The following TRAPPC9 variants were observed in gnomAD, a reference collection of about 807,000 sequenced individuals.
The protein encoded by TRAPPC9 is IKK2 binding protein.
A neutral mutation model predicts 124.0 loss-of-function variants in TRAPPC9; 83 were observed. The observed-to-expected ratio is 0.67, with a 90% confidence interval of 0.56 to 0.80. The LOEUF is 0.80. Among genes scored for constraint, TRAPPC9 ranks in the 30% least tolerant of loss-of-function variants. The pLI, the probability that TRAPPC9 is intolerant of heterozygous loss-of-function variation, is 0.00. For missense variants in TRAPPC9, 1,302 were observed against 1,508.3 expected, an observed-to-expected ratio of 0.86 and a Z score of 2.27; for synonymous variants, 638 against 617.5, an observed-to-expected ratio of 1.03 and a Z score of -0.49.
chr8:140,023,518 T>C (rs1156460049), intron 18 of TRAPPC9, among the ~76,000 whole-genome samples: 2 of 152,282 alleles, frequency 1.3e-5, no homozygotes, highest in Admixed American at 1.3e-4. Flanking sequence ...GCCCATCTTA[T>C]GGGGATGCCA....
chr8:140,120,574 CCATCCATCCATT>C (rs1355570648), intron 17 of TRAPPC9, among the ~76,000 whole-genome samples: 9 of 151,772 alleles, frequency 5.9e-5, no homozygotes, highest in African/African-American at 1.9e-4. Context: ...CATCCAACAT[CCATCCATCCATT>C]CATCCATCCA....
intron 5 of TRAPPC9, among the ~76,000 whole-genome samples, chr8:140,420,165 T>C (rs1469716228): frequency 6.6e-6 from 1 of 152,050 alleles, no homozygotes; most frequent in Non-Finnish European, 1.5e-5. Flanking sequence ...ATAAAAAGTA[T>C]AAAATGATGT....
At chr8:140,316,063 A>G (rs1392045817) in intron 9 of TRAPPC9, among the ~76,000 whole-genome samples, 1 of 152,158 alleles carries the variant, frequency 6.6e-6, no homozygotes, top group Non-Finnish European at 1.5e-5. Context: ...GGTCTTTAGA[A>G]GGTGGTTTTA....
chr8:139,939,378 C>T (rs1237700517), intron 19 of TRAPPC9, among the ~76,000 whole-genome samples: 4 of 152,158 alleles, frequency 2.6e-5, no homozygotes, highest in Non-Finnish European at 2.9e-5. Flanking sequence ...GGCCGGGAAG[C>T]GGGGCGAGCC....
chr8:140,006,050 A>G (rs540680814), intron 18 of TRAPPC9, among the ~76,000 whole-genome samples: 2 of 152,310 alleles, frequency 1.3e-5, no homozygotes, highest in South Asian at 2.1e-4. Context: ...TGTCACAACT[A>G]TTCAAGAAAT....
Position 139,920,467 on chromosome 8 carries a change from C to T in TRAPPC9, c.2811-10167G>A, listed in dbSNP as rs114158882. Among the ~76,000 whole-genome samples the T allele has an allele frequency of 1.1e-3, 170 of 152,354 alleles. 1 individual carries two copies. The highest frequency in any genetic ancestry group is 3.7e-3 in the African/African-American group (155 of 41,590). ...TCTGCCGTGCCCTTGGGCAAGTCAC[C>T]CTGTCCCTGAGCCTCCCTCCTGGTC... On this transcript the variant is annotated intron_variant, in intron 19 of 22. Coordinates refer to ENST00000438773, the MANE Select transcript of TRAPPC9 (RefSeq NM_001160372.4).
At chr8:140,227,018 A>G (rs894720764) in intron 16 of TRAPPC9, among the ~76,000 whole-genome samples, 4 of 152,198 alleles carry the variant, frequency 2.6e-5, no homozygotes, top group Non-Finnish European at 5.9e-5. Context: ...CTGTTCTCAA[A>G]TCCAACTAAA....
At chr8:140,348,231 C>A (rs1014054527) in intron 9 of TRAPPC9, among the ~76,000 whole-genome samples, 10 of 152,170 alleles carry the variant, frequency 6.6e-5, no homozygotes, top group African/African-American at 2.4e-4. Context: ...TGGCAGGACA[C>A]CATCTGCCCC....
intron 19 of TRAPPC9, among the ~76,000 whole-genome samples, chr8:139,923,674 A>G (rs948612782): frequency 6.6e-6 from 1 of 152,230 alleles, no homozygotes. Flanking sequence ...GAGCGGAGAC[A>G]GAAGGTCTGT....
At chr8:140,138,998 C>T (rs2061344548) in intron 17 of TRAPPC9, among the ~76,000 whole-genome samples, 1 of 152,140 alleles carries the variant, frequency 6.6e-6, no homozygotes, top group Non-Finnish European at 1.5e-5. Context: ...CATCCTAATG[C>T]TCAGCGAATT....
intron 14 of TRAPPC9, among the ~76,000 whole-genome samples, chr8:140,279,952 C>T (rs2065255036): frequency 1.3e-5 from 2 of 152,236 alleles, no homozygotes; most frequent in Non-Finnish European, 2.9e-5. Context: ...AAGCCACCCC[C>T]CGCCCTTTTG....
At chr8:140,278,774 G>A (rs779680833) in intron 14 of TRAPPC9, among the ~76,000 whole-genome samples, 11 of 152,204 alleles carry the variant, frequency 7.2e-5, no homozygotes, top group Admixed American at 2.0e-4. Flanking sequence ...CTGGGCACCC[G>A]CGACTCCCAT....
chr8:139,877,580 C>G (rs1042936062), intron 21 of TRAPPC9, among the ~76,000 whole-genome samples: 18 of 152,316 alleles, frequency 1.2e-4, no homozygotes, highest in African/African-American at 4.3e-4. Context: ...ATCAGACCCT[C>G]TGCAGCAGGA....
At chr8:139,801,722 C>T (rs1305718932) in intron 21 of TRAPPC9, among the ~76,000 whole-genome samples, 2 of 152,204 alleles carry the variant, frequency 1.3e-5, no homozygotes, top group East Asian at 1.9e-4. Context: ...GCCAGGAATC[C>T]GCACGAACTC....
intron 17 of TRAPPC9, among the ~76,000 whole-genome samples, chr8:140,071,819 A>G (rs1418792727): frequency 6.6e-6 from 1 of 152,246 alleles, no homozygotes; most frequent in South Asian, 2.1e-4. Flanking sequence ...AGTAGCTAAG[A>G]GATTTTGAAA....
intron 21 of TRAPPC9, among the ~76,000 whole-genome samples, chr8:139,774,107 C>T (rs1381751107): frequency 6.6e-6 from 1 of 152,174 alleles, no homozygotes; most frequent in African/African-American, 2.4e-5. Context: ...GCCACATGGA[C>T]GCGGGCGAAG....
chr8:139,910,068 A>T, intron 20 of TRAPPC9, 79 bp downstream of exon 20: 1 of 1,532,712 alleles, frequency 6.5e-7, no homozygotes, highest in East Asian at 2.3e-5. Context: ...AATAGCTAAG[A>T]CCCTCACGGG....
intron 21 of TRAPPC9, among the ~76,000 whole-genome samples, chr8:139,863,056 G>C (rs1459002320): frequency 6.6e-6 from 1 of 152,244 alleles, no homozygotes; most frequent in Non-Finnish European, 1.5e-5. Flanking sequence ...TCCCATCTCA[G>C]GAGACAGTTC....
At chr8:140,266,621 G>A (rs563890486) in intron 15 of TRAPPC9, among the ~76,000 whole-genome samples, 1 of 152,252 alleles carries the variant, frequency 6.6e-6, no homozygotes, top group South Asian at 2.1e-4. Context: ...CACTTTGGGA[G>A]GCCAAGGCGG....
Sources: allele counts gnomAD v4.1 joint callset (sites outside exome capture counted in the v4.1 genomes callset), GRCh38; gene constraint gnomAD v4.1.1; transcripts MANE v1.5; gene names NCBI Gene and HGNC (gene_info 2026-07-23, HGNC 2026-07-21).